Variants in SLC24A2 observed in about 807,000 individuals in gnomAD.
SLC24A2 encodes the protein solute carrier family 24 member 2.
In SLC24A2, 36 loss-of-function variants were observed where a neutral mutation model predicts 62.0. That is an observed-to-expected ratio of 0.58 (90% CI 0.44 to 0.77). SLC24A2 has a LOEUF of 0.77. Ranked by LOEUF, SLC24A2 falls within the 30% of genes least tolerant of loss-of-function variation. SLC24A2 has a pLI of 0.00. For missense variants in SLC24A2, 846 were observed against 817.9 expected (o/e 1.03, Z -0.42); for synonymous variants, 358 against 294.0 (o/e 1.22, Z -2.23).
intron 2 of SLC24A2, among the ~76,000 whole-genome samples, chr9:19,690,577 C>G (rs889404140): frequency 2.0e-5 from 3 of 152,104 alleles, no homozygotes; most frequent in Admixed American, 1.3e-4. Context: ...GACAGAAAAG[C>G]AAAGTTGAAT....
At chr9:19,943,611 T>A in the SLC24A2 span, among the ~76,000 whole-genome samples, 2 of 152,200 alleles carry the variant, frequency 1.3e-5, no homozygotes, top group Non-Finnish European at 2.9e-5. Context: ...CATTTGTGTC[T>A]CTTCTCTAAA....
the SLC24A2 span, among the ~76,000 whole-genome samples, chr9:20,001,714 G>C: frequency 2.0e-5 from 3 of 152,096 alleles, no homozygotes; most frequent in African/African-American, 7.2e-5. Context: ...TTTAAGATTT[G>C]TTACATGGAT....
the SLC24A2 span, among the ~76,000 whole-genome samples, chr9:20,123,852 C>T: frequency 6.6e-6 from 1 of 152,254 alleles, no homozygotes; most frequent in African/African-American, 2.4e-5. Context: ...CAACTATCTT[C>T]CAGTTGAGCT....
the SLC24A2 span, among the ~76,000 whole-genome samples, chr9:20,196,817 A>T: frequency 1.3e-5 from 2 of 152,236 alleles, no homozygotes; most frequent in African/African-American, 4.8e-5. Flanking sequence ...AAAACAAATA[A>T]TAGTAACATC....
At chr9:19,893,054 C>T in the SLC24A2 span, among the ~76,000 whole-genome samples, 1 of 152,162 alleles carries the variant, frequency 6.6e-6, no homozygotes, top group Non-Finnish European at 1.5e-5. Flanking sequence ...CAAACACATT[C>T]CACCAAAGAG....
chr9:20,097,955 T>G, the SLC24A2 span, among the ~76,000 whole-genome samples: 703 of 151,670 alleles, frequency 4.6e-3, no homozygotes, highest in African/African-American at 0.012. Flanking sequence ...TGTTAGCCAG[T>G]ATGGTCTCGA....
the SLC24A2 span, among the ~76,000 whole-genome samples, chr9:20,115,814 T>C: frequency 6.6e-6 from 1 of 152,158 alleles, no homozygotes. Context: ...ATTTCTCCCA[T>C]CTTCTTCATT....
Position 19,715,500 on chromosome 9 carries a change from T to C in SLC24A2, c.930+70437A>G, listed in dbSNP as rs184260353. ...CATCCATCTGTGTATTAGCTTGTTCTTTGGAATCAACATTATGGCTCCTCA... is the reference window on the plus strand; with the variant it reads ...CATCCATCTGTGTATTAGCTTGTTCCTTGGAATCAACATTATGGCTCCTCA... On this transcript the variant is annotated intron_variant, in intron 2 of 10. Transcript: ENST00000341998. 2.4e-3 allele frequency among the ~76,000 whole-genome samples: 367 copies of C among 152,346 alleles called. 1 individual carries two copies. The highest frequency in any genetic ancestry group is 4.5e-3 in the Non-Finnish European group (306 of 68,028).
At chr9:19,727,714 T>C (rs1821212163) in intron 2 of SLC24A2, among the ~76,000 whole-genome samples, 1 of 152,184 alleles carries the variant, frequency 6.6e-6, no homozygotes, top group Non-Finnish European at 1.5e-5. Flanking sequence ...TTAAAATTAA[T>C]TTATCTTAAG....
upstream of SLC24A2, among the ~76,000 whole-genome samples, chr9:19,792,835 TTC>T (rs1163872837): frequency 6.6e-6 from 1 of 152,252 alleles, no homozygotes; most frequent in Non-Finnish European, 1.5e-5. Context: ...ACAACCTTTT[TTC>T]TGACTTATTA....
chr9:20,164,183 G>A, the SLC24A2 span, among the ~76,000 whole-genome samples: 53,302 of 151,856 alleles, frequency 0.35, 10,100 homozygotes, highest in Middle Eastern at 0.55. Flanking sequence ...GCTACCATCC[G>A]AGTGAACAGG....
the SLC24A2 span, among the ~76,000 whole-genome samples, chr9:20,238,022 T>G: frequency 2.5e-3 from 374 of 152,304 alleles, 3 homozygotes; most frequent in African/African-American, 8.6e-3. Flanking sequence ...TTGGAGCTCC[T>G]GACTTGGAGT....
the SLC24A2 span, among the ~76,000 whole-genome samples, chr9:19,962,014 G>A: frequency 2.0e-5 from 3 of 152,110 alleles, no homozygotes; most frequent in African/African-American, 7.2e-5. Flanking sequence ...CTATGTTTGG[G>A]GATAATTGTT....
intron 5 of SLC24A2, among the ~76,000 whole-genome samples, chr9:19,593,311 C>A (rs540403392): frequency 3.9e-5 from 6 of 152,158 alleles, no homozygotes; most frequent in African/African-American, 1.4e-4. Flanking sequence ...GCACCTGGTA[C>A]ATACTGGCTA....
intron 2 of SLC24A2, among the ~76,000 whole-genome samples, chr9:19,707,126 A>G (rs2118568886): frequency 6.6e-6 from 1 of 151,462 alleles, no homozygotes; most frequent in Non-Finnish European, 1.5e-5. Flanking sequence ...TACTACAAAC[A>G]CCTCTATGCA....
chr9:20,265,909 T>C, the SLC24A2 span, among the ~76,000 whole-genome samples: 1 of 152,242 alleles, frequency 6.6e-6, no homozygotes, highest in Admixed American at 6.5e-5. Flanking sequence ...TCTTTTATGG[T>C]CGATCTGTAG....
At chr9:19,602,498 T>A (rs1400912919) in intron 4 of SLC24A2, among the ~76,000 whole-genome samples, 2 of 152,256 alleles carry the variant, frequency 1.3e-5, no homozygotes, top group African/African-American at 4.8e-5. Context: ...TATTCTTTTG[T>A]ATAATCTAAC....
intron 10 of SLC24A2, among the ~76,000 whole-genome samples, chr9:19,518,991 G>T (rs1833065390): frequency 6.6e-6 from 1 of 152,096 alleles, no homozygotes; most frequent in Non-Finnish European, 1.5e-5. Context: ...ATAATTAAAA[G>T]AGGAGGTTTT....
At chr9:19,525,415 TTTTTA>T (rs1270583690) in intron 9 of SLC24A2, among the ~76,000 whole-genome samples, 36 of 144,410 alleles carry the variant, frequency 2.5e-4, no homozygotes, top group Admixed American at 3.5e-4. Context: ...TTTTTTTTTT[TTTTTA>T]AAAGACAGGG....
Sources: gnomAD v4.1 joint callset for allele counts (sites outside exome capture counted in the v4.1 genomes callset) on GRCh38, gnomAD v4.1.1 for gene constraint, MANE v1.5 for transcripts, NCBI Gene and HGNC (gene_info 2026-07-23, HGNC 2026-07-21) for gene names.